HDAC4: variants seen among roughly 807,000 people sequenced by gnomAD.
HDAC4 encodes the protein histone deacetylase A.
Under a neutral mutation model 135.1 loss-of-function variants are expected in HDAC4, and 16 were observed. That is an observed-to-expected ratio of 0.12 (90% CI 0.08 to 0.18). The LOEUF (loss-of-function observed/expected upper bound fraction) is 0.18. Ranked by LOEUF, HDAC4 falls within the 10% of genes least tolerant of loss-of-function variation. HDAC4 has a pLI of 1.00. For missense variants in HDAC4, 1,143 were observed against 1,511.8 expected (o/e 0.76, Z 4.05); for synonymous variants, 685 against 653.4 (o/e 1.05, Z -0.74).
chr2:239,193,320 C>T (rs542564568), intron 3 of HDAC4, among the ~76,000 whole-genome samples: 4 of 152,328 alleles, frequency 2.6e-5, no homozygotes, highest in African/African-American at 9.6e-5. Flanking sequence ...CTTTAAAAAC[C>T]GAACATAAAA....
At chr2:239,087,507 G>A (rs2036094260) in intron 19 of HDAC4, 52 bp downstream of exon 19, 1 of 1,568,530 alleles carries the variant, frequency 6.4e-7, no homozygotes, top group South Asian at 1.1e-5. Context: ...CCCTAAGGGA[G>A]GGAAGGAAGA....
At chr2:239,215,775 C>T (rs1010678318) in intron 3 of HDAC4, among the ~76,000 whole-genome samples, 5 of 152,088 alleles carry the variant, frequency 3.3e-5, no homozygotes, top group East Asian at 3.9e-4. Flanking sequence ...GCCTCTGCAC[C>T]GGGCTCCCTG....
At chr2:239,201,467 TTG>T (rs2045751711) in intron 3 of HDAC4, among the ~76,000 whole-genome samples, 1 of 152,226 alleles carries the variant, frequency 6.6e-6, no homozygotes, top group Non-Finnish European at 1.5e-5. Flanking sequence ...GGCTTGGGCT[TTG>T]GTTTCATTCC....
At chr2:239,393,097 G>C (rs1696338004) in intron 1 of HDAC4, among the ~76,000 whole-genome samples, 1 of 152,178 alleles carries the variant, frequency 6.6e-6, no homozygotes, top group Non-Finnish European at 1.5e-5. Context: ...GCCCGTCTCA[G>C]AGCCACAGGA....
In HDAC4 at chr2:239,400,529, C is replaced by G. The variant is rs1467552469; in HGVS notation, c.-220+449G>C. 6.9e-6 allele frequency: 1 copy of G among 145,964 alleles called. No individual in the cohort carries two copies. Among genetic ancestry groups the G allele is most frequent in the Non-Finnish European group, 1.5e-5 (1 of 65,670 alleles). 9.0% of individuals were successfully genotyped at this position (145,964 alleles called of 1,614,324 possible). ...CGGCCCTGGGGACCGGCGGGTCCCA[C>G]GGCGCGCGGCCAGCGCTGGCCCCCG... On this transcript the variant is annotated intron_variant, in intron 1 of 26. Transcript: ENST00000543185. This position sits in a 1 kb window ranked among gnomAD's most constrained non-coding sequence, Gnocchi z 4.7.
intron 24 of HDAC4, among the ~76,000 whole-genome samples, chr2:239,059,586 A>G (rs1020387933): frequency 6.6e-6 from 1 of 152,232 alleles, no homozygotes; most frequent in Non-Finnish European, 1.5e-5. Context: ...GTAAAATGTA[A>G]CTTCTCAAAA....
At chr2:239,374,655 G>T (rs549739036) in intron 1 of HDAC4, among the ~76,000 whole-genome samples, 1 of 151,740 alleles carries the variant, frequency 6.6e-6, no homozygotes, top group Non-Finnish European at 1.5e-5. Context: ...CGCCCGCCTC[G>T]GCCTCCCAAA....
At chr2:239,122,466 C>T (rs564185215) in intron 12 of HDAC4, among the ~76,000 whole-genome samples, 16 of 152,356 alleles carry the variant, frequency 1.1e-4, no homozygotes, top group East Asian at 1.9e-4. Context: ...AAGGTCCACT[C>T]GCCCTCTGAT....
At chr2:239,089,702 C>G (rs560423128) in intron 18 of HDAC4, 1 of 342,380 alleles carries the variant, frequency 2.9e-6, no homozygotes, top group African/African-American at 2.1e-5. Context: ...GTGGATATAA[C>G]TCATGTAAAC....
At chr2:239,218,212 A>C (rs1396913763) in intron 3 of HDAC4, among the ~76,000 whole-genome samples, 1 of 152,228 alleles carries the variant, frequency 6.6e-6, no homozygotes, top group Non-Finnish European at 1.5e-5. Context: ...ATTGGATAAA[A>C]AACAGGACTG....
chr2:239,294,707 G>A (rs2051748207), intron 2 of HDAC4, among the ~76,000 whole-genome samples: 1 of 151,544 alleles, frequency 6.6e-6, no homozygotes, highest in African/African-American at 2.4e-5. Context: ...GGGAGCAGGT[G>A]GGCCTGCCTC....
In HDAC4 at chr2:239,052,225, T is replaced by G. The variant is rs1036453921; in HGVS notation, c.*872A>C. 1.3e-5 allele frequency: 2 copies of G among 152,368 alleles called. No homozygotes were observed. The highest frequency in any genetic ancestry group is 4.8e-5 in the African/African-American group (2 of 41,442). The allele number at this position is 152,368 out of a possible 1,614,324, so 9.4% of individuals were successfully genotyped here. A position where few individuals can be genotyped will look rare whatever the true frequency, so the allele number is the denominator to read the frequency against. ...TAAAGCAAAACAGGGACCGCCGGGC[T>G]GCAGCCCCTGGCCCCGGAGATGACG... On this transcript the variant is annotated 3_prime_UTR_variant, in exon 27 of 27. Transcript: ENST00000543185.
chr2:239,098,892 A>T (rs2037360152), intron 16 of HDAC4, among the ~76,000 whole-genome samples: 1 of 152,236 alleles, frequency 6.6e-6, no homozygotes, highest in Non-Finnish European at 1.5e-5. Flanking sequence ...TGGGAGAGGC[A>T]TCCTCACAGG....
At chr2:239,385,032 G>A (rs1436648774) in intron 1 of HDAC4, among the ~76,000 whole-genome samples, 2 of 152,104 alleles carry the variant, frequency 1.3e-5, no homozygotes, top group Non-Finnish European at 2.9e-5. Context: ...ACAGGGACAG[G>A]GACAAGGCTT....
chr2:239,099,543 C>A (rs1159510747), intron 16 of HDAC4, among the ~76,000 whole-genome samples: 1 of 152,206 alleles, frequency 6.6e-6, no homozygotes, highest in Non-Finnish European at 1.5e-5. Flanking sequence ...CTGGTAAGGA[C>A]TGGAGAATCC....
chr2:239,263,050 A>G (rs1222656229), intron 2 of HDAC4, among the ~76,000 whole-genome samples: 1 of 152,004 alleles, frequency 6.6e-6, no homozygotes, highest in African/African-American at 2.4e-5. Flanking sequence ...TGCCCCAAAC[A>G]CTCGGGACCA....
At chr2:239,104,539 C>A (rs1275085272) in intron 15 of HDAC4, among the ~76,000 whole-genome samples, 1 of 152,226 alleles carries the variant, frequency 6.6e-6, no homozygotes, top group Non-Finnish European at 1.5e-5. Context: ...CAGGGCTTCT[C>A]ATTTCTAATG....
At chr2:239,244,684 C>T (rs1310184524) in intron 2 of HDAC4, among the ~76,000 whole-genome samples, 1 of 152,176 alleles carries the variant, frequency 6.6e-6, no homozygotes, top group Non-Finnish European at 1.5e-5. Context: ...AGGTCCTTCC[C>T]CTGACCTGAA....
At position 239,050,569 on chromosome 2, in the gene HDAC4, T is replaced by C. The variant is rs1156247366; in HGVS notation, c.*2528A>G. On this transcript the variant is annotated 3_prime_UTR_variant, in exon 27 of 27. Coordinates refer to ENST00000543185, the MANE Select transcript of HDAC4 (RefSeq NM_001378414.1). ...TTCTGCCTGCTCTCAAACCACTGTC[T>C]CAGAGCTGACCATCAGCAGCCCAGT... 1 of 152,680 alleles carries C rather than the reference T, an allele frequency of 6.5e-6. No individual in the cohort carries two copies. 9.5% of individuals were successfully genotyped at this position (152,680 alleles called of 1,614,324 possible). A position where few individuals can be genotyped will look rare whatever the true frequency, so the allele number is the denominator to read the frequency against.
Sources: allele counts gnomAD v4.1 joint callset (sites outside exome capture counted in the v4.1 genomes callset), GRCh38; gene constraint gnomAD v4.1.1; non-coding constraint Gnocchi (gnomAD v3.1); transcripts MANE v1.5; gene names NCBI Gene and HGNC (gene_info 2026-07-23, HGNC 2026-07-21).